Variants in DAB1 observed in about 807,000 individuals in gnomAD.
DAB1 encodes disabled homolog 1.
Under a neutral mutation model 64.6 loss-of-function variants are expected in DAB1, and 15 were observed. That is an observed-to-expected ratio of 0.23 (90% CI 0.16 to 0.36). The LOEUF (loss-of-function observed/expected upper bound fraction) is 0.36. Ranked by LOEUF, DAB1 falls within the 10% of genes least tolerant of loss-of-function variation. The pLI is 1.00. For missense variants in DAB1, 596 were observed against 706.7 expected, an observed-to-expected ratio of 0.84 and a Z score of 1.78; for synonymous variants, 235 against 251.9, an observed-to-expected ratio of 0.93 and a Z score of 0.64.
intron 1 of DAB1, among the ~76,000 whole-genome samples, chr1:57,315,505 T>C (rs532147694): frequency 1.3e-5 from 2 of 152,272 alleles, no homozygotes; most frequent in Admixed American, 1.3e-4. Flanking sequence ...TTACCTATTA[T>C]ATGATCTTTT....
chr1:58,134,029 A>G (rs563156762), intron 5 of DAB1, among the ~76,000 whole-genome samples: 1 of 152,220 alleles, frequency 6.6e-6, no homozygotes, highest in South Asian at 2.1e-4. Flanking sequence ...TAGCTGTGTG[A>G]CCCTGGACAC....
intron 1 of DAB1, among the ~76,000 whole-genome samples, chr1:57,865,748 A>G (rs1255142539): frequency 6.6e-6 from 1 of 152,176 alleles, no homozygotes; most frequent in East Asian, 1.9e-4. Context: ...CTAGAGTTAG[A>G]CTGCGTGGAT....
At position 57,273,522 on chromosome 1, in the gene DAB1, A is replaced by ACTGCCTGC. The variant is rs1261991604; in HGVS notation, c.67+17434_67+17441dup. ...ATCTAAGATGCATCCACCAAGCCTG[A>ACTGCCTGC]CTGCCTGCCTGCCTGCCTGCCTGCC... On this transcript the variant is annotated intron_variant, in intron 2 of 14. Transcript: ENST00000371236. Among the ~76,000 whole-genome samples, 763 of 96,912 alleles carry ACTGCCTGC rather than the reference A, an allele frequency of 7.9e-3. 70 individuals are homozygous for ACTGCCTGC. The highest frequency in any genetic ancestry group is 0.011 in the South Asian group (24 of 2,130). The allele number at this position is 96,912 out of a possible 152,430, so 63.6% of individuals were successfully genotyped here. A position where few individuals can be genotyped will look rare whatever the true frequency, so the allele number is the denominator to read the frequency against.
intron 5 of DAB1, among the ~76,000 whole-genome samples, chr1:58,011,711 G>A (rs901782907): frequency 1.3e-4 from 19 of 151,756 alleles, no homozygotes; most frequent in Admixed American, 8.5e-4. Context: ...TTTTGGAGAC[G>A]AAGTCTCTTT....
chr1:57,784,411 C>A (rs543244552), intron 6 of DAB1, among the ~76,000 whole-genome samples: 9 of 151,688 alleles, frequency 5.9e-5, no homozygotes, highest in Middle Eastern at 3.2e-3. Context: ...AACAAACAAA[C>A]AAAAAAAGCT....
chr1:58,281,319 C>A (rs1481246678), intron 4 of DAB1, among the ~76,000 whole-genome samples: 2 of 151,750 alleles, frequency 1.3e-5, no homozygotes, highest in African/African-American at 2.4e-5. Context: ...TGACAATTCA[C>A]ACAAGTGACG....
intron 6 of DAB1, among the ~76,000 whole-genome samples, chr1:57,816,210 T>C (rs1310970889): frequency 5.3e-5 from 8 of 152,188 alleles, no homozygotes; most frequent in Admixed American, 4.6e-4. Context: ...TTCATTGCTT[T>C]TACCTGTTTC....
At chr1:58,268,043 G>T (rs939365776) in intron 4 of DAB1, among the ~76,000 whole-genome samples, 5 of 151,500 alleles carry the variant, frequency 3.3e-5, no homozygotes, top group Non-Finnish European at 7.4e-5. Context: ...GCATGCTTGG[G>T]CTTTGCGATC....
intron 4 of DAB1, among the ~76,000 whole-genome samples, chr1:57,104,529 A>G (rs1163451961): frequency 6.6e-6 from 1 of 152,180 alleles, no homozygotes; most frequent in Admixed American, 6.5e-5. Context: ...ATGACCTGTT[A>G]TTTTAATCTA....
intron 5 of DAB1, among the ~76,000 whole-genome samples, chr1:58,137,627 T>C (rs1001198117): frequency 1.3e-5 from 2 of 152,122 alleles, no homozygotes; most frequent in Non-Finnish European, 2.9e-5. Flanking sequence ...TATTCAACCA[T>C]TGATTCATCC....
intron 7 of DAB1, among the ~76,000 whole-genome samples, chr1:57,644,566 T>C (rs1367681389): frequency 6.6e-6 from 1 of 151,890 alleles, no homozygotes; most frequent in Non-Finnish European, 1.5e-5. Flanking sequence ...CATATATATA[T>C]ACACACATAC....
chr1:57,323,724 A>T (rs1300775471), intron 1 of DAB1, among the ~76,000 whole-genome samples: 1 of 152,160 alleles, frequency 6.6e-6, no homozygotes, highest in Non-Finnish European at 1.5e-5. Flanking sequence ...CTTTTTAAAA[A>T]TAGAATTTTA....
intron 5 of DAB1, among the ~76,000 whole-genome samples, chr1:58,055,424 TCC>T (rs1647990739): frequency 1.3e-5 from 2 of 152,150 alleles, no homozygotes; most frequent in Non-Finnish European, 2.9e-5. Flanking sequence ...CTACTCTATT[TCC>T]ATTTGCAACC....
intron 4 of DAB1, among the ~76,000 whole-genome samples, chr1:58,326,111 G>A (rs1459195331): frequency 2.0e-5 from 3 of 152,094 alleles, no homozygotes; most frequent in South Asian, 2.1e-4. Context: ...CCCCAATCAC[G>A]TAGCATTATA....
At chr1:57,454,591 C>A (rs1192492691) in intron 7 of DAB1, among the ~76,000 whole-genome samples, 1 of 151,940 alleles carries the variant, frequency 6.6e-6, no homozygotes, top group South Asian at 2.1e-4. Context: ...ATAATCTGTA[C>A]AATAAACCCA....
intron 1 of DAB1, among the ~76,000 whole-genome samples, chr1:57,349,168 G>A (rs917737731): frequency 6.6e-6 from 1 of 152,108 alleles, no homozygotes; most frequent in African/African-American, 2.4e-5. Context: ...AACTCGTCCT[G>A]TGACCCTGAG....
intron 5 of DAB1, among the ~76,000 whole-genome samples, chr1:57,956,117 C>T (rs1467323144): frequency 5.3e-5 from 8 of 152,078 alleles, no homozygotes; most frequent in Admixed American, 1.3e-4. Flanking sequence ...GATCTGATTA[C>T]CACAGATAAA....
intron 3 of DAB1, among the ~76,000 whole-genome samples, chr1:58,491,383 CATA>C (rs1242825559): frequency 6.6e-6 from 1 of 152,124 alleles, no homozygotes; most frequent in Non-Finnish European, 1.5e-5. Context: ...CAGCTAACAT[CATA>C]ATGACAGGAT....
At chr1:57,585,390 T>G (rs1382709446) in intron 7 of DAB1, among the ~76,000 whole-genome samples, 1 of 152,202 alleles carries the variant, frequency 6.6e-6, no homozygotes, top group Non-Finnish European at 1.5e-5. Flanking sequence ...TTTAATTTGT[T>G]GCCAATATTT....
Sources: allele counts gnomAD v4.1 joint callset (sites outside exome capture counted in the v4.1 genomes callset), GRCh38; gene constraint gnomAD v4.1.1; transcripts MANE v1.5; gene names NCBI Gene and HGNC (gene_info 2026-07-23, HGNC 2026-07-21).